Variants in KCNH6 observed in about 807,000 individuals in gnomAD.
KCNH6 encodes potassium voltage-gated channel subfamily H member 6.
A neutral mutation model predicts 83.4 loss-of-function variants in KCNH6; 81 were observed. The ratio of observed to expected loss-of-function variants is 0.97; its 90% confidence interval spans 0.81 to 1.17. KCNH6 has a LOEUF of 1.17. Among genes scored for constraint, KCNH6 ranks in the 50% most tolerant of loss-of-function variants. The pLI, the probability that KCNH6 is intolerant of heterozygous loss-of-function variation, is 0.00. For synonymous variants in KCNH6, 503 were observed against 545.6 expected (o/e 0.92, Z 1.09); for missense variants, 1,203 against 1,290.5 (o/e 0.93, Z 1.04).
In KCNH6 at chr17:63,538,692, G is replaced by A; in HGVS notation, c.1954+30G>A. ...GTCCGGCGGAGTGGACCAGGCCTGT[G>A]TTGGGGATTGGATGGAAGAGGGCGG... On this transcript the variant is annotated intron_variant, in intron 8 of 12. Coordinates refer to ENST00000314672, the MANE Select transcript of KCNH6 (RefSeq NM_001278919.2). The surrounding 1 kb of genome is among the most constrained non-coding windows in gnomAD (Gnocchi z 4.0). 1 of 1,539,858 alleles carries A rather than the reference G, an allele frequency of 6.5e-7. No homozygotes were observed.
chr17:63,524,048 C>G lies in KCNH6; in HGVS notation c.77-91C>G. 2 of 892,784 alleles carry G rather than the reference C, an allele frequency of 2.2e-6. 1 individual carries two copies. Among genetic ancestry groups the G allele is most frequent in the South Asian group, 2.8e-5 (2 of 71,102 alleles). 55.3% of individuals were successfully genotyped at this position (892,784 alleles called of 1,614,324 possible). ...GCCCTGCTCCTCTGCCTAAATTCCC[C>G]TTACTGCCACCAAGAGTCCTTATGA... On this transcript the variant is annotated intron_variant, in intron 1 of 12. Coordinates refer to ENST00000314672, the MANE Select transcript of KCNH6 (RefSeq NM_001278919.2).
chr17:63,530,209 C>T lies in KCNH6; in HGVS notation c.426C>T (p.Arg142=), dbSNP rs1266052660. ...AGCTCCTGGCCAAGTGCAGCAGCCG[C>T]AGCTTGTCCCAGCGCCTGTTGTCCC... ...LAQLLAKCSS[R]SLSQRLLSQS... The change falls in exon 3 of 13, where the codon CGC becomes CGT. Residue 142 remains arginine, a synonymous_variant. Coordinates refer to ENST00000314672, the MANE Select transcript of KCNH6 (RefSeq NM_001278919.2). The T allele has an allele frequency of 1.1e-5, 17 of 1,614,212 alleles. No individual in the cohort carries two copies. The highest frequency in any genetic ancestry group is 1.4e-5 in the Non-Finnish European group (16 of 1,180,034).
intron 2 of KCNH6, 135 bp downstream of exon 2, chr17:63,524,504 G>T (rs1013369942): frequency 2.9e-6 from 2 of 684,394 alleles, no homozygotes; most frequent in Admixed American, 2.5e-5. Flanking sequence ...TAGGGGCCTT[G>T]GTTCCTCCAC....
intron 9 of KCNH6, among the ~76,000 whole-genome samples, 181 bp from the exon 10 acceptor site, chr17:63,543,395 G>A (rs1352084042): frequency 6.6e-6 from 1 of 152,058 alleles, no homozygotes; most frequent in Non-Finnish European, 1.5e-5. Flanking sequence ...AGGACAGGAG[G>A]GGTGTGGTCT....
chr17:63,543,766 G>A, intron 10 of KCNH6, 106 bp downstream of exon 10: 1 of 735,832 alleles, frequency 1.4e-6, no homozygotes, highest in Non-Finnish European at 2.4e-6. Flanking sequence ...CCCACTCCAT[G>A]AGTGGAGAGG....
At chr17:63,530,047 A>G in intron 2 of KCNH6, 44 bp from the exon 3 acceptor site, 1 of 1,600,402 alleles carries the variant, frequency 6.2e-7, no homozygotes, top group Non-Finnish European at 8.5e-7. Context: ...GCAGGAGGGG[A>G]CCCCTTCAGG....
In KCNH6 at chr17:63,540,402, A is replaced by AAGATCAC. The variant is rs2032790481; in HGVS notation, c.1954+1740_1954+1741insAGATCAC. The stretch of plus-strand genomic sequence containing the variant: ...AACCAAGATCACGCCACTGTACTCC[A>AAGATCAC]GCCTGGGTGGCAGAGCGAGACTCTG... On this transcript the variant is annotated intron_variant, in intron 8 of 12. Coordinates refer to ENST00000314672, the MANE Select transcript of KCNH6 (RefSeq NM_001278919.2). 7.2e-5 allele frequency among the ~76,000 whole-genome samples: 11 copies of AAGATCAC among 152,200 alleles called. 1 individual carries two copies. The highest frequency in any genetic ancestry group is 5.9e-4 in the Admixed American group (9 of 15,282).
chr17:63,538,187 C>A lies in KCNH6; in HGVS notation c.1624C>A (p.Pro542Thr). 6.2e-7 allele frequency: 1 copy of A among 1,614,170 alleles called. No individual in the cohort carries two copies. The highest frequency in any genetic ancestry group is 1.1e-5 in the South Asian group (1 of 91,088). Residue 542 changes from proline to threonine, a missense_variant, in exon 7 of 13, where the codon CCC becomes ACC. Transcript: ENST00000314672. The surrounding 1 kb of genome is among the most constrained non-coding windows in gnomAD (Gnocchi z 4.0). Reference protein sequence around the residue: ...VKEFIRFHQIPNPLRQRLEEY... With the variant: ...VKEFIRFHQITNPLRQRLEEY... Reference sequence around the variant, plus strand: ...GGAGTTCATCCGCTTCCACCAGATCCCCAACCCACTGCGCCAGCGCCTGGA... The same window carrying A: ...GGAGTTCATCCGCTTCCACCAGATCACCAACCCACTGCGCCAGCGCCTGGA...
At position 63,538,276 on chromosome 17, in the gene KCNH6, C is replaced by T; in HGVS notation, c.1701+12C>T. 1.2e-6 allele frequency: 2 copies of T among 1,609,556 alleles called. No homozygotes were observed. The highest frequency in any genetic ancestry group is 2.2e-5 in the South Asian group (2 of 90,944). ...TTGACATGAACGCGGTGAGCCCCGC[C>T]GCTCCGGCTAATGCCCCGGGCGTGG... On this transcript the variant is annotated intron_variant, in intron 7 of 12. Coordinates refer to ENST00000314672, the MANE Select transcript of KCNH6 (RefSeq NM_001278919.2). The surrounding 1 kb of genome is among the most constrained non-coding windows in gnomAD (Gnocchi z 4.0).
In KCNH6 at chr17:63,543,664, A is replaced by C. The variant is rs372668727; in HGVS notation, c.2233+4A>C. On this transcript the variant is annotated splice_donor_region_variant and intron_variant, in intron 10 of 12. Coordinates refer to ENST00000314672, the MANE Select transcript of KCNH6 (RefSeq NM_001278919.2). Reference sequence around the variant, plus strand: ...TTTCTCAGTGACAACCAGTCAGGTGAGCAAAGCCAGCCCCCACCCCCACCA... The same window carrying C: ...TTTCTCAGTGACAACCAGTCAGGTGCGCAAAGCCAGCCCCCACCCCCACCA... 121 of 1,598,832 alleles carry C rather than the reference A, an allele frequency of 7.6e-5. 1 individual carries two copies. In the African/African-American group the frequency reaches 1.4e-3, roughly 19 times the overall value.
intron 4 of KCNH6, among the ~76,000 whole-genome samples, chr17:63,531,284 C>T (rs1020313309): frequency 6.6e-6 from 1 of 152,260 alleles, no homozygotes; most frequent in African/African-American, 2.4e-5. Flanking sequence ...CCCTGTGTGA[C>T]CTTGGCCAGG....
chr17:63,543,991 T>G (rs2033014045), intron 10 of KCNH6: 2 of 1,383,152 alleles, frequency 1.4e-6, no homozygotes, highest in African/African-American at 2.9e-5. Flanking sequence ...AAACCAGTGC[T>G]AAAAGTCCTC....
Position 63,530,206 on chromosome 17 carries a change from C to T in KCNH6, c.423C>T (p.Ser141=), listed in dbSNP as rs1274928478. ...CCCAGCTCCTGGCCAAGTGCAGCAGCCGCAGCTTGTCCCAGCGCCTGTTGT... is the reference window on the plus strand; with the variant it reads ...CCCAGCTCCTGGCCAAGTGCAGCAGTCGCAGCTTGTCCCAGCGCCTGTTGT... ...DLAQLLAKCS[S]RSLSQRLLSQ... Residue 141 remains serine (S), a synonymous_variant, in exon 3 of 13, where the codon AGC becomes AGT. Coordinates refer to ENST00000314672, the MANE Select transcript of KCNH6 (RefSeq NM_001278919.2). 1.2e-6 allele frequency: 2 copies of T among 1,614,024 alleles called. No individual in the cohort carries two copies. The highest frequency in any genetic ancestry group is 2.7e-5 in the African/African-American group (2 of 74,944).
At chr17:63,543,705 C>G (rs1166331540) in intron 10 of KCNH6, 45 bp downstream of exon 10, 10 of 1,188,180 alleles carry the variant, frequency 8.4e-6, no homozygotes, top group Non-Finnish European at 1.3e-5. Flanking sequence ...TAGCCCCTGC[C>G]CAGCCTCCTA....
At position 63,538,115 on chromosome 17, in the gene KCNH6, CTGT is replaced by C; in HGVS notation, c.1553_1555del (p.Leu518_Tyr519delinsHis). On this transcript the variant is annotated inframe_deletion, in exon 7 of 13. Transcript: ENST00000314672. This position sits in a 1 kb window ranked among gnomAD's most constrained non-coding sequence, Gnocchi z 4.0. Reference sequence around the variant, plus strand: ...GAACGTGTCCGCGATCATCCAGCGCCTGTACTCGGGCACCGCGCGCTACCACAC... The same window carrying C: ...GAACGTGTCCGCGATCATCCAGCGCCACTCGGGCACCGCGCGCTACCACAC... The C allele has an allele frequency of 6.2e-7, 1 of 1,614,108 alleles. No individual in the cohort carries two copies. The highest frequency in any genetic ancestry group is 8.5e-7 in the Non-Finnish European group (1 of 1,180,036).
chr17:63,538,155 G>C lies in KCNH6; in HGVS notation c.1592G>C (p.Arg531Pro). Residue 531 changes from arginine to proline, a missense_variant, in exon 7 of 13, where the codon CGT (arginine) becomes CCT (proline). By Grantham distance (103) the Arg-to-Pro change is moderately radical. Transcript: ENST00000314672. This position sits in a 1 kb window ranked among gnomAD's most constrained non-coding sequence, Gnocchi z 4.0. The stretch of plus-strand genomic sequence containing the variant: ...GCGCGCTACCACACGCAGATGCTGC[G>C]TGTCAAGGAGTTCATCCGCTTCCAC... ...GTARYHTQMLRVKEFIRFHQI... is the reference protein window; with the variant it reads ...GTARYHTQMLPVKEFIRFHQI... 1.9e-6 allele frequency: 3 copies of C among 1,614,142 alleles called. No individual in the cohort carries two copies. The highest frequency in any genetic ancestry group is 2.5e-6 in the Non-Finnish European group (3 of 1,179,976).
chr17:63,535,742 G>A lies in KCNH6; in HGVS notation c.1175G>A (p.Arg392His), dbSNP rs370829183. The stretch of plus-strand genomic sequence containing the variant: ...GTGCGCGTAGCACGGAAGCTGGACC[G>A]CTACTCTGAGTATGGGGCGGCTGTG... The part of the protein sequence containing the change: ...RLVRVARKLD[R>H]YSEYGAAVLF... Residue 392 changes from arginine to histidine, a missense_variant, in exon 6 of 13, where the codon CGC becomes CAC. Arg to His is a conservative substitution (Grantham distance 29). Transcript: ENST00000314672. The surrounding 1 kb of genome is among the most constrained non-coding windows in gnomAD (Gnocchi z 4.9). The A allele has an allele frequency of 1.1e-5, 18 of 1,613,786 alleles. No homozygotes were observed. The highest frequency in any genetic ancestry group is 9.4e-5 in the African/African-American group (7 of 74,848).
rs1413965578 is a variant in KCNH6, at chr17:63,545,096, C to T, written c.2415C>T (p.Ser805=). 1 of 1,613,470 alleles carries T rather than the reference C, an allele frequency of 6.2e-7. No individual in the cohort carries two copies. Among genetic ancestry groups the T allele is most frequent in the Non-Finnish European group, 8.5e-7 (1 of 1,180,016 alleles). ...CTGGCAGGCTGGAGTCCCGCGTGTC[C>T]TCAGACCTCAGCCGCATCTTGCAGC... is the stretch of plus-strand genomic sequence containing the variant. ...AQMNRLESRV[S]SDLSRILQLL... Residue 805 remains serine (S), a synonymous_variant, in exon 12 of 13, where the codon TCC becomes TCT. Coordinates refer to ENST00000314672, the MANE Select transcript of KCNH6 (RefSeq NM_001278919.2).
chr17:63,525,603 TGA>T (rs1412529150), intron 2 of KCNH6, among the ~76,000 whole-genome samples: 10 of 151,678 alleles, frequency 6.6e-5, no homozygotes, highest in East Asian at 1.9e-4. Flanking sequence ...CCTCTGTGTG[TGA>T]GTGTGTGCTT....
Sources: gnomAD v4.1 joint callset for allele counts (sites outside exome capture counted in the v4.1 genomes callset) on GRCh38, gnomAD v4.1.1 for gene constraint, Gnocchi (gnomAD v3.1) non-coding constraint, MANE v1.5 for transcripts, NCBI Gene and HGNC (gene_info 2026-07-23, HGNC 2026-07-21) for gene names.